Variants in DSCAML1 observed in about 807,000 individuals in gnomAD.
DSCAML1 encodes the protein DS cell adhesion molecule like 1, also known as cell adhesion molecule DSCAML1.
A neutral mutation model predicts 200.5 loss-of-function variants in DSCAML1; 38 were observed. That is an observed-to-expected ratio of 0.19 (90% CI 0.15 to 0.25). The LOEUF (loss-of-function observed/expected upper bound fraction) is 0.25, where lower values mean the gene tolerates loss of function less well. Among genes scored for constraint, DSCAML1 ranks in the 10% least tolerant of loss-of-function variants. The probability of loss-of-function intolerance (pLI) is 1.00; values close to 1 mark genes in which losing one functional copy is unlikely to be tolerated. For synonymous variants in DSCAML1, 1,215 were observed against 1,165.0 expected, an observed-to-expected ratio of 1.04 and a Z score of -0.87; for missense variants, 2,223 against 2,858.8, an observed-to-expected ratio of 0.78 and a Z score of 5.07.
Position 117,764,159 on chromosome 11 carries a change from A to G in DSCAML1, c.511+12632T>C, listed in dbSNP as rs115228718. On this transcript the variant is annotated intron_variant, in intron 3 of 32. Transcript: ENST00000651296. Reference sequence around the variant, plus strand: ...TTCTTACCCCTAACAGGGCTCATGAAACAGTGGTTCATCCAAGGCTGTCCC... The same window carrying G: ...TTCTTACCCCTAACAGGGCTCATGAGACAGTGGTTCATCCAAGGCTGTCCC... Among the ~76,000 whole-genome samples the G allele has an allele frequency of 6.7e-3, 1,023 of 152,224 alleles. 8 individuals are homozygous for G. Among genetic ancestry groups the G allele is most frequent in the African/African-American group, 0.019 (798 of 41,522 alleles).
chr11:117,498,163 AG>A lies in DSCAML1; in HGVS notation c.2359+5681del, dbSNP rs1436974349. 1.3e-5 allele frequency among the ~76,000 whole-genome samples: 2 copies of A among 152,200 alleles called. No individual in the cohort carries two copies. The highest frequency in any genetic ancestry group is 2.9e-5 in the Non-Finnish European group (2 of 68,036). The stretch of plus-strand genomic sequence containing the variant: ...AAGGAGCTTCAGTCTGTGACGAGAT[AG>A]GACCCACCACCGGGGAACACACAGG... On this transcript the variant is annotated intron_variant, in intron 11 of 32. Coordinates refer to ENST00000651296, the MANE Select transcript of DSCAML1 (RefSeq NM_020693.4). This position sits in a 1 kb window ranked among gnomAD's most constrained non-coding sequence, Gnocchi z 4.0.
intron 3 of DSCAML1, among the ~76,000 whole-genome samples, chr11:117,664,719 C>T (rs1296672937): frequency 1.3e-5 from 2 of 152,178 alleles, no homozygotes; most frequent in African/African-American, 2.4e-5. Flanking sequence ...GAACTGTTTC[C>T]TGATGGCCTG....
intron 19 of DSCAML1, among the ~76,000 whole-genome samples, chr11:117,452,610 GTTATA>G (rs1201776214): frequency 6.6e-6 from 1 of 151,988 alleles, no homozygotes; most frequent in African/African-American, 2.4e-5. Context: ...TGCAATTATT[GTTATA>G]TTCAGGTTTA....
chr11:117,529,585 C>T (rs948727510), intron 4 of DSCAML1, among the ~76,000 whole-genome samples: 5 of 152,262 alleles, frequency 3.3e-5, no homozygotes, highest in South Asian at 2.1e-4. Context: ...CTCTCCCCAC[C>T]CCCAGCAACT....
chr11:117,481,932 G>A, intron 12 of DSCAML1, 31 bp downstream of exon 12: 1 of 1,612,446 alleles, frequency 6.2e-7, no homozygotes, highest in Non-Finnish European at 8.5e-7. Flanking sequence ...TGAGAGTTGG[G>A]GTCCCCCAGC....
At chr11:117,630,248 G>A (rs1364148910) in intron 3 of DSCAML1, among the ~76,000 whole-genome samples, 4 of 152,156 alleles carry the variant, frequency 2.6e-5, no homozygotes, top group African/African-American at 9.7e-5. Context: ...GTGGGGAGAG[G>A]GGAAGAGGCA....
intron 3 of DSCAML1, among the ~76,000 whole-genome samples, chr11:117,694,082 C>CATATAT (rs55662300): frequency 7.2e-6 from 1 of 139,246 alleles, no homozygotes; most frequent in African/African-American, 2.6e-5. Flanking sequence ...TATATATACA[C>CATATAT]ATATATATAT....
chr11:117,437,101 C>T lies in DSCAML1; in HGVS notation c.4720+21G>A. 6.2e-7 allele frequency: 1 copy of T among 1,604,328 alleles called. No homozygotes were observed. Among genetic ancestry groups the T allele is most frequent in the African/African-American group, 1.3e-5 (1 of 74,950 alleles). ...ACCCTGCTCCAGCCTCTGTACCATC[C>T]CTTCCACCCTTGCGACTCACTGCCA... On this transcript the variant is annotated intron_variant, in intron 26 of 32. Transcript: ENST00000651296. The surrounding 1 kb of genome is among the most constrained non-coding windows in gnomAD (Gnocchi z 5.3).
chr11:117,437,781 A>G lies in DSCAML1; in HGVS notation c.4432+114T>C. On this transcript the variant is annotated intron_variant, in intron 25 of 32. Coordinates refer to ENST00000651296, the MANE Select transcript of DSCAML1 (RefSeq NM_020693.4). This position sits in a 1 kb window ranked among gnomAD's most constrained non-coding sequence, Gnocchi z 5.3. ...AGGCTCCTCCCTTCAGTCTCCCTGC[A>G]TCCCTGGACCCCTCCTTCCCCACCC... The G allele has an allele frequency of 8.5e-7, 1 of 1,170,780 alleles. No homozygotes were observed. The highest frequency in any genetic ancestry group is 1.2e-6 in the Non-Finnish European group (1 of 857,606). The allele number at this position is 1,170,780 out of a possible 1,614,324, so 72.5% of individuals were successfully genotyped here.
upstream of DSCAML1, among the ~76,000 whole-genome samples, chr11:117,800,656 A>G (rs1031650828): frequency 6.6e-6 from 1 of 152,230 alleles, no homozygotes; most frequent in Non-Finnish European, 1.5e-5. Flanking sequence ...ATTTTCTTGC[A>G]TCAGAATGCT....
rs1591498696 is a variant in DSCAML1, at chr11:117,776,956, T to G, written c.365-19A>C. ...CTGAAAACTGCAGAGAGATTGGCAG[T>G]GGGGAAGAGAAGAGTGTCACAAGGA... On this transcript the variant is annotated intron_variant, in intron 2 of 32. Transcript: ENST00000651296. 6.2e-7 allele frequency: 1 copy of G among 1,612,934 alleles called. No individual in the cohort carries two copies. The highest frequency in any genetic ancestry group is 8.5e-7 in the Non-Finnish European group (1 of 1,179,844).
Position 117,437,912 on chromosome 11 carries a change from G to T in DSCAML1, c.4415C>A (p.Ala1472Asp). Residue 1472 changes from alanine (A) to aspartate (D), a missense_variant, in exon 25 of 33, where the codon GCC (alanine) becomes GAC (aspartate). Physicochemically the swap from Ala to Asp is moderately radical, Grantham distance 126. Transcript: ENST00000651296. This position sits in a 1 kb window ranked among gnomAD's most constrained non-coding sequence, Gnocchi z 5.3. ...GGCCTCACCCCGCCCGTGGGTCTTGGCCTCGATGATCTCGCTGATGCGCCC... is the reference window on the plus strand; with the variant it reads ...GGCCTCACCCCGCCCGTGGGTCTTGTCCTCGATGATCTCGCTGATGCGCCC... ...GSGRISEIIE[A>D]KTHGREPSFS... 1 of 1,610,634 alleles carries T rather than the reference G, an allele frequency of 6.2e-7. No homozygotes were observed.
intron 32 of DSCAML1, among the ~76,000 whole-genome samples, chr11:117,429,818 A>C (rs932743723): frequency 1.3e-5 from 2 of 152,158 alleles, no homozygotes; most frequent in African/African-American, 4.8e-5. Context: ...AGATTTTCTT[A>C]TTGAATCCTC....
Position 117,505,153 on chromosome 11 carries a change from T to C in DSCAML1, c.2063-110A>G. 6.8e-7 allele frequency: 1 copy of C among 1,478,670 alleles called. No homozygotes were observed. Among genetic ancestry groups the C allele is most frequent in the South Asian group, 1.4e-5 (1 of 73,476 alleles). The allele number at this position is 1,478,670 out of a possible 1,614,324, so 91.6% of individuals were successfully genotyped here. A position where few individuals can be genotyped will look rare whatever the true frequency, so the allele number is the denominator to read the frequency against. On this transcript the variant is annotated intron_variant, in intron 9 of 32. Coordinates refer to ENST00000651296, the MANE Select transcript of DSCAML1 (RefSeq NM_020693.4). The surrounding 1 kb of genome is among the most constrained non-coding windows in gnomAD (Gnocchi z 6.7). ...CAGCCCTGCCCGGGCCATTATAAAG[T>C]TGGAAGCGGGCAGTTTCTGAAACCC...
intron 3 of DSCAML1, among the ~76,000 whole-genome samples, chr11:117,579,600 T>G (rs2051007014): frequency 6.6e-6 from 1 of 152,254 alleles, no homozygotes; most frequent in South Asian, 2.1e-4. Context: ...CAGTTTCTTC[T>G]GTTTTCATTC....
At chr11:117,580,638 A>G (rs1021628222) in intron 3 of DSCAML1, among the ~76,000 whole-genome samples, 6 of 152,210 alleles carry the variant, frequency 3.9e-5, no homozygotes, top group Non-Finnish European at 5.9e-5. Context: ...CTGAGGTACC[A>G]GGGTTCCCTG....
At chr11:117,797,722 G>A (rs1410925761), upstream of DSCAML1, among the ~76,000 whole-genome samples, 2 of 151,928 alleles carry the variant, frequency 1.3e-5, no homozygotes, top group East Asian at 1.9e-4. Flanking sequence ...CCGCAAGCCT[G>A]CCCTCCGGAG....
intron 3 of DSCAML1, among the ~76,000 whole-genome samples, chr11:117,732,700 C>T (rs1199289961): frequency 6.6e-6 from 1 of 152,204 alleles, no homozygotes; most frequent in Non-Finnish European, 1.5e-5. Flanking sequence ...GCTGGGCCTG[C>T]TCTTACCTCT....
At chr11:117,532,940 G>C (rs2050107795) in intron 3 of DSCAML1, among the ~76,000 whole-genome samples, 1 of 151,302 alleles carries the variant, frequency 6.6e-6, no homozygotes, top group Non-Finnish European at 1.5e-5. Context: ...AGACTAGCCT[G>C]GGCAATATAG....
Sources: gnomAD v4.1 joint callset for allele counts (sites outside exome capture counted in the v4.1 genomes callset) on GRCh38, gnomAD v4.1.1 for gene constraint, Gnocchi (gnomAD v3.1) non-coding constraint, MANE v1.5 for transcripts, NCBI Gene and HGNC (gene_info 2026-07-23, HGNC 2026-07-21) for gene names.